Variants in UBE2F observed in about 807,000 individuals in gnomAD.
The protein encoded by UBE2F is ubiquitin conjugating enzyme E2 F (putative), also known as NEDD8-conjugating enzyme UBE2F.
UBE2F carries 5 observed loss-of-function variants against 29.6 expected under a neutral mutation model. The ratio of observed to expected loss-of-function variants is 0.17; its 90% CI spans 0.09 to 0.36. The LOEUF (loss-of-function observed/expected upper bound fraction) is 0.36, where lower values mean the gene tolerates loss of function less well. Among genes scored for constraint, UBE2F ranks in the 10% least tolerant of loss-of-function variants. The pLI, the probability that UBE2F is intolerant of heterozygous loss-of-function variation, is 1.00. For synonymous variants in UBE2F, 66 were observed against 81.8 expected (o/e 0.81, Z 1.04); for missense variants, 141 against 228.5 (o/e 0.62, Z 2.47).
Position 238,041,672 on chromosome 2 carries a change from T to C in UBE2F, c.*334T>C. ...CTCAAAATTGAGGCCAGAGCTTGCT[T>C]TCCCTTTTCCCAAACAAAATTGGTT... On this transcript the variant is annotated 3_prime_UTR_variant, in exon 10 of 10. Transcript: ENST00000272930. 1 of 207,122 alleles carries C rather than the reference T, an allele frequency of 4.8e-6. No homozygotes were observed. The highest frequency in any genetic ancestry group is 9.7e-6 in the Non-Finnish European group (1 of 102,628). 12.8% of individuals were successfully genotyped at this position (207,122 alleles called of 1,614,324 possible).
intron 2 of UBE2F, among the ~76,000 whole-genome samples, chr2:237,983,336 A>G (rs1270680086): frequency 6.6e-6 from 1 of 152,222 alleles, no homozygotes; most frequent in Non-Finnish European, 1.5e-5. Flanking sequence ...TGGCCAGAGC[A>G]TGTCCTGGCC....
intron 4 of UBE2F, among the ~76,000 whole-genome samples, chr2:238,014,369 T>G (rs1576624569): frequency 1.3e-5 from 2 of 152,220 alleles, no homozygotes; most frequent in African/African-American, 4.8e-5. Flanking sequence ...AATAAAACAG[T>G]CTGTTCTCAC....
intron 5 of UBE2F, chr2:238,025,118 A>G (rs1407721154): frequency 5.5e-6 from 3 of 542,386 alleles, no homozygotes; most frequent in Non-Finnish European, 1.0e-5. Context: ...CCACGGGTAG[A>G]CTTTGCTGCT....
At position 238,037,856 on chromosome 2, in the gene UBE2F, G is replaced by A. The variant is rs187690555; in HGVS notation, c.507+1916G>A. 2.1e-4 allele frequency among the ~76,000 whole-genome samples: 32 copies of A among 152,246 alleles called. No individual in the cohort carries two copies. In the East Asian group the frequency reaches 4.3e-3, roughly 20 times the overall value. On this transcript the variant is annotated intron_variant, in intron 9 of 9. Transcript: ENST00000272930. ...ACTCCTGGCCTCAAGCAACCCACCC[G>A]CCTTAGCCTCCCAAAGTGATTACTG...
chr2:238,016,511 TC>T (rs1160761747), intron 4 of UBE2F, 54 bp from the exon 5 acceptor site: 1 of 1,491,720 alleles, frequency 6.7e-7, no homozygotes, highest in Non-Finnish European at 9.2e-7. Context: ...GCTTTTTGTT[TC>T]CTTTTTTTTT....
intron 4 of UBE2F, among the ~76,000 whole-genome samples, chr2:238,002,629 T>G (rs1210272097): frequency 6.6e-6 from 1 of 152,074 alleles, no homozygotes; most frequent in Non-Finnish European, 1.5e-5. Context: ...TTTGTTTTTT[T>G]GAGACGGAAT....
At chr2:238,022,643 A>G (rs1163096320) in intron 5 of UBE2F, among the ~76,000 whole-genome samples, 1 of 152,156 alleles carries the variant, frequency 6.6e-6, no homozygotes, top group Non-Finnish European at 1.5e-5. Flanking sequence ...TTTAATTTTA[A>G]TGCATTTGGA....
At chr2:238,021,990 A>G (rs62194543) in intron 5 of UBE2F, among the ~76,000 whole-genome samples, 44,967 of 152,104 alleles carry the variant, frequency 0.3, 8,266 homozygotes, top group Admixed American at 0.41. Context: ...GATAAATCCT[A>G]TTAAATTACC....
intron 9 of UBE2F, among the ~76,000 whole-genome samples, chr2:238,038,858 T>A (rs1424770099): frequency 6.6e-6 from 1 of 152,078 alleles, no homozygotes; most frequent in African/African-American, 2.4e-5. Context: ...CCAGGGGAGG[T>A]GCAAAGTGCT....
intron 1 of UBE2F, among the ~76,000 whole-genome samples, chr2:237,969,178 G>C (rs1423532453): frequency 6.6e-6 from 1 of 152,226 alleles, no homozygotes; most frequent in Admixed American, 6.5e-5. Flanking sequence ...TCACAGACTT[G>C]AAGATAGTAA....
intron 4 of UBE2F, among the ~76,000 whole-genome samples, chr2:238,002,004 T>C (rs538556588): frequency 6.6e-6 from 1 of 152,202 alleles, no homozygotes; most frequent in South Asian, 2.1e-4. Context: ...TTGGTTTGTT[T>C]CAGAGCTTTG....
chr2:237,967,347 G>A lies in UBE2F; in HGVS notation c.-17+215G>A, dbSNP rs1442595541. Reference sequence around the variant, plus strand: ...GCGGGCCGCGGGCCGCGAGCCGGGGGTCGGAGGCGGCGTCGGCGGCCGGGG... The same window carrying A: ...GCGGGCCGCGGGCCGCGAGCCGGGGATCGGAGGCGGCGTCGGCGGCCGGGG... On this transcript the variant is annotated intron_variant, in intron 1 of 9. Transcript: ENST00000272930. The surrounding 1 kb of genome is among the most constrained non-coding windows in gnomAD (Gnocchi z 6.3). Among the ~76,000 whole-genome samples, 1 of 147,312 alleles carries A rather than the reference G, an allele frequency of 6.8e-6. No homozygotes were observed. The highest frequency in any genetic ancestry group is 1.5e-5 in the Non-Finnish European group (1 of 66,200).
intron 4 of UBE2F, among the ~76,000 whole-genome samples, chr2:238,002,603 A>G (rs2063818792): frequency 6.6e-6 from 1 of 151,754 alleles, no homozygotes; most frequent in African/African-American, 2.4e-5. Flanking sequence ...GGTTCCATGC[A>G]TGAACATTTT....
chr2:238,000,703 T>TG (rs1576611640), intron 4 of UBE2F, among the ~76,000 whole-genome samples: 1 of 152,344 alleles, frequency 6.6e-6, no homozygotes, highest in East Asian at 1.9e-4. Context: ...CTGGGCCATG[T>TG]GGTAAGAGTA....
At chr2:238,025,539 A>G in intron 6 of UBE2F, 127 bp downstream of exon 6, 1 of 815,552 alleles carries the variant, frequency 1.2e-6, no homozygotes, top group Non-Finnish European at 2.0e-6. Flanking sequence ...GCTTGAACTC[A>G]GCTGAAGTAG....
intron 2 of UBE2F, chr2:237,973,514 A>G: frequency 1.9e-6 from 1 of 519,690 alleles, no homozygotes; most frequent in Non-Finnish European, 3.2e-6. Flanking sequence ...GCTGAGAGTC[A>G]GCAAAGCCTA....
At chr2:237,972,854 T>C (rs1442429534) in intron 1 of UBE2F, among the ~76,000 whole-genome samples, 2 of 152,166 alleles carry the variant, frequency 1.3e-5, no homozygotes, top group Non-Finnish European at 2.9e-5. Context: ...TGCCCAGCCA[T>C]GACTCTCTTT....
At chr2:237,973,583 T>A in intron 2 of UBE2F, 1 of 879,684 alleles carries the variant, frequency 1.1e-6, no homozygotes, top group Non-Finnish European at 1.6e-6. Flanking sequence ...CACCATAGTT[T>A]CTGCTCTGTA....
chr2:238,021,248 C>T (rs2064285443), intron 5 of UBE2F, among the ~76,000 whole-genome samples: 1 of 152,132 alleles, frequency 6.6e-6, no homozygotes, highest in Non-Finnish European at 1.5e-5. Context: ...GCCAGTCCTG[C>T]CATGGGCCCT....
Sources: gnomAD v4.1 joint callset for allele counts (sites outside exome capture counted in the v4.1 genomes callset) on GRCh38, gnomAD v4.1.1 for gene constraint, Gnocchi (gnomAD v3.1) non-coding constraint, MANE v1.5 for transcripts, NCBI Gene and HGNC (gene_info 2026-07-23, HGNC 2026-07-21) for gene names.